Variants in KALRN observed in about 807,000 individuals in gnomAD.
The protein encoded by KALRN is kalirin RhoGEF kinase.
A neutral mutation model predicts 353.7 loss-of-function variants in KALRN; 70 were observed. The ratio of observed to expected loss-of-function variants is 0.20; its 90% CI spans 0.16 to 0.24. KALRN has a LOEUF of 0.24. Among genes scored for constraint, KALRN ranks in the 10% least tolerant of loss-of-function variants. The pLI, the probability that KALRN is intolerant of heterozygous loss-of-function variation, is 1.00. For missense variants in KALRN, 2,791 were observed against 3,756.7 expected (o/e 0.74, Z 6.72); for synonymous variants, 1,391 against 1,434.8 (o/e 0.97, Z 0.69).
chr3:124,498,009 A>T (rs2064061882), intron 33 of KALRN, among the ~76,000 whole-genome samples: 1 of 152,178 alleles, frequency 6.6e-6, no homozygotes. Flanking sequence ...TTTACTATTA[A>T]TGAGGGGTCC....
intron 45 of KALRN, among the ~76,000 whole-genome samples, chr3:124,663,841 A>G (rs1303137831): frequency 6.6e-6 from 1 of 152,030 alleles, no homozygotes; most frequent in East Asian, 1.9e-4. Context: ...AATTTACGGG[A>G]TAGTATATTT....
At chr3:124,140,888 A>G (rs1456248935) in intron 1 of KALRN, among the ~76,000 whole-genome samples, 1 of 152,120 alleles carries the variant, frequency 6.6e-6, no homozygotes, top group Admixed American at 6.5e-5. Flanking sequence ...CCTTTTCTTG[A>G]GTTTATGATT....
chr3:124,391,422 A>T (rs764948642), intron 11 of KALRN, among the ~76,000 whole-genome samples: 1 of 152,172 alleles, frequency 6.6e-6, no homozygotes. Context: ...TCACTCCATG[A>T]TTTTACCTAA....
intron 10 of KALRN, among the ~76,000 whole-genome samples, chr3:124,373,425 G>A (rs751615076): frequency 8.5e-5 from 13 of 152,216 alleles, no homozygotes; most frequent in African/African-American, 2.4e-4. Context: ...AGGACAGCCC[G>A]TGTTTGTTTC....
intron 34 of KALRN, among the ~76,000 whole-genome samples, chr3:124,578,262 T>C (rs2074306209): frequency 6.6e-6 from 1 of 152,348 alleles, no homozygotes; most frequent in South Asian, 2.1e-4. Flanking sequence ...TTGGAAAGAA[T>C]CTTAGATGTT....
chr3:124,577,010 C>T (rs1054297189), intron 34 of KALRN, among the ~76,000 whole-genome samples: 1 of 152,132 alleles, frequency 6.6e-6, no homozygotes, highest in Non-Finnish European at 1.5e-5. Flanking sequence ...CTCATCTGCC[C>T]CTGAGCTCAG....
intron 1 of KALRN, among the ~76,000 whole-genome samples, chr3:124,058,623 C>A (rs902616826): frequency 1.1e-4 from 16 of 152,172 alleles, no homozygotes; most frequent in African/African-American, 3.9e-4. Context: ...TTATCTGTGG[C>A]TTGGCTCAGC....
chr3:124,498,415 T>C (rs2064122643), intron 33 of KALRN, among the ~76,000 whole-genome samples: 2 of 152,124 alleles, frequency 1.3e-5, no homozygotes, highest in Non-Finnish European at 2.9e-5. Flanking sequence ...GTCTGTTTCA[T>C]TGCCGTACTC....
chr3:124,328,006 T>C (rs2080098837), intron 7 of KALRN, among the ~76,000 whole-genome samples: 2 of 152,344 alleles, frequency 1.3e-5, no homozygotes, highest in East Asian at 3.9e-4. Flanking sequence ...ACACGAGAGA[T>C]GGAATATGTA....
intron 51 of KALRN, among the ~76,000 whole-genome samples, chr3:124,686,797 G>A (rs1024629019): frequency 1.8e-5 from 2 of 112,080 alleles, no homozygotes; most frequent in Admixed American, 2.0e-4. Context: ...ACACTGGTGA[G>A]ATTTTTTTTT....
At chr3:124,599,064 AG>A (rs778529127) in intron 34 of KALRN, among the ~76,000 whole-genome samples, 75 of 152,318 alleles carry the variant, frequency 4.9e-4, no homozygotes, top group Non-Finnish European at 8.4e-4. Context: ...TAGATTGGGC[AG>A]TCGGGACCCT....
At chr3:124,327,675 G>A (rs967995642) in intron 7 of KALRN, among the ~76,000 whole-genome samples, 4 of 152,152 alleles carry the variant, frequency 2.6e-5, no homozygotes, top group African/African-American at 9.7e-5. Flanking sequence ...GAGTAGATAG[G>A]CTATCACCTC....
intron 1 of KALRN, among the ~76,000 whole-genome samples, chr3:124,212,415 G>A (rs1013272217): frequency 2.1e-4 from 32 of 151,822 alleles, no homozygotes; most frequent in African/African-American, 7.5e-4. Context: ...TACATGTTGC[G>A]AGCATTCTTC....
At chr3:124,421,700 G>A (rs1054193325) in intron 14 of KALRN, among the ~76,000 whole-genome samples, 16 of 152,222 alleles carry the variant, frequency 1.1e-4, no homozygotes, top group Admixed American at 9.2e-4. Context: ...AAGGACTTTG[G>A]TTACTAAGGC....
intron 1 of KALRN, among the ~76,000 whole-genome samples, chr3:124,181,150 C>T (rs556693709): frequency 6.7e-6 from 1 of 149,772 alleles, no homozygotes; most frequent in South Asian, 2.1e-4. Flanking sequence ...ACTCGGGAGG[C>T]TGTTATATGA....
At chr3:124,319,427 G>A (rs1356258722) in intron 6 of KALRN, among the ~76,000 whole-genome samples, 1 of 151,418 alleles carries the variant, frequency 6.6e-6, no homozygotes, top group Non-Finnish European at 1.5e-5. Flanking sequence ...TAAAAAGAGT[G>A]AATTGATAAA....
chr3:124,098,626 G>A (rs1468545642), intron 1 of KALRN, among the ~76,000 whole-genome samples: 2 of 152,124 alleles, frequency 1.3e-5, no homozygotes, highest in Non-Finnish European at 2.9e-5. Context: ...TCTTATGTCT[G>A]TGCTGGGCCA....
chr3:124,365,895 G>C (rs2084627533), intron 10 of KALRN, among the ~76,000 whole-genome samples: 1 of 152,330 alleles, frequency 6.6e-6, no homozygotes, highest in Admixed American at 6.5e-5. Context: ...GGTGTGATCA[G>C]AGCACCTGCT....
At chr3:124,329,516 G>A (rs1308058039) in intron 7 of KALRN, among the ~76,000 whole-genome samples, 1 of 152,210 alleles carries the variant, frequency 6.6e-6, no homozygotes, top group Non-Finnish European at 1.5e-5. Flanking sequence ...CGTGGGGCAA[G>A]AAGCTCTAAT....
Sources: allele counts gnomAD v4.1 joint callset (sites outside exome capture counted in the v4.1 genomes callset), GRCh38; gene constraint gnomAD v4.1.1; transcripts MANE v1.5; gene names NCBI Gene and HGNC (gene_info 2026-07-23, HGNC 2026-07-21).